The following BICRA variants were observed in gnomAD, a reference collection of about 807,000 sequenced individuals.
BICRA encodes BRD4-interacting chromatin-remodeling complex-associated protein.
Under a neutral mutation model 96.9 loss-of-function variants are expected in BICRA, and 31 were observed. That is an observed-to-expected ratio of 0.32 (90% confidence interval 0.24 to 0.43). The LOEUF (loss-of-function observed/expected upper bound fraction) is 0.43. BICRA is among the 20% of genes least tolerant of loss of function. The probability of loss-of-function intolerance (pLI) is 1.00; values close to 1 mark genes in which losing one functional copy is unlikely to be tolerated. For missense variants in BICRA, 2,283 were observed against 2,190.3 expected (o/e 1.04, Z -0.84); for synonymous variants, 1,350 against 1,071.8 (o/e 1.26, Z -5.07).
Position 47,620,525 on chromosome 19 carries a change from G to A in BICRA, c.-108+11357G>A, listed in dbSNP as rs578123598. Among the ~76,000 whole-genome samples the A allele has an allele frequency of 2.0e-5, 3 of 151,962 alleles. No individual in the cohort carries two copies. The South Asian group carries it at 6.3e-4, about 32-fold the overall frequency. ...CTACAAAAAAATACAAAAAGTAGCC[G>A]AGCATGGTGGTGCATGCTTGTAGTC... is the stretch of plus-strand genomic sequence containing the variant. On this transcript the variant is annotated intron_variant, in intron 1 of 14. Coordinates refer to ENST00000594866, the MANE Select transcript of BICRA (RefSeq NM_001394372.1).
intron 1 of BICRA, among the ~76,000 whole-genome samples, chr19:47,640,862 G>A (rs548049213): frequency 2.0e-4 from 30 of 151,508 alleles, no homozygotes; most frequent in African/African-American, 6.1e-4. Context: ...GTGGAGCTGG[G>A]GTTTGAACTG....
chr19:47,676,267 C>T (rs1054471120), intron 5 of BICRA, among the ~76,000 whole-genome samples: 2 of 151,882 alleles, frequency 1.3e-5, no homozygotes, highest in East Asian at 3.9e-4. Context: ...TCCTGGAGAG[C>T]AGAGGGCTGG....
intron 1 of BICRA, among the ~76,000 whole-genome samples, chr19:47,632,223 G>A (rs145867020): frequency 2.0e-3 from 301 of 152,310 alleles, no homozygotes; most frequent in African/African-American, 6.8e-3. Flanking sequence ...AAAAGGGAGC[G>A]AGCATTTAGA....
At position 47,680,329 on chromosome 19, in the gene BICRA, C is replaced by T; in HGVS notation, c.1159C>T (p.Leu387Phe). ...TLTIQGEPGA[L>F]PQQPKAPQNL... ...CACCATCCAGGGCGAGCCGGGGGCG[C>T]TCCCGCAGCAGCCCAAGGCCCCGCA... Residue 387 changes from leucine (L) to phenylalanine (F), a missense_variant, in exon 6 of 15, where the codon CTC (leucine) becomes TTC (phenylalanine). By Grantham distance (22) the Leu-to-Phe change is conservative. Coordinates refer to ENST00000594866, the MANE Select transcript of BICRA (RefSeq NM_001394372.1). 2 of 1,537,298 alleles carry T rather than the reference C, an allele frequency of 1.3e-6. No homozygotes were observed. The highest frequency in any genetic ancestry group is 1.7e-6 in the Non-Finnish European group (2 of 1,148,510).
chr19:47,694,691 C>A lies in BICRA; in HGVS notation c.2860C>A (p.Pro954Thr). 1 of 1,580,888 alleles carries A rather than the reference C, an allele frequency of 6.3e-7. No homozygotes were observed. The highest frequency in any genetic ancestry group is 8.6e-7 in the Non-Finnish European group (1 of 1,156,802). ...QMVTTPFPALPQPKALLERFH... is the reference protein window; with the variant it reads ...QMVTTPFPALTQPKALLERFH... ...GGTGACCACCCCCTTCCCAGCGCTG[C>A]CCCAGCCGAAGGCTCTTCTCGAGAG... Residue 954 changes from proline (P) to threonine (T), a missense_variant, in exon 8 of 15, where the codon CCC (proline) becomes ACC (threonine). Transcript: ENST00000594866.
chr19:47,694,887 G>C lies in BICRA; in HGVS notation c.2896-13G>C. 6.7e-7 allele frequency: 1 copy of C among 1,501,252 alleles called. No homozygotes were observed. Among genetic ancestry groups the C allele is most frequent in the Non-Finnish European group, 8.9e-7 (1 of 1,129,774 alleles). 93.0% of individuals were successfully genotyped at this position (1,501,252 alleles called of 1,614,324 possible). A position where few individuals can be genotyped will look rare whatever the true frequency, so the allele number is the denominator to read the frequency against. ...TATGTTCCCCACCCCTCATCCACCTGTCCCCTCCTCAGGTGCCGTCCGGAA... is the reference window on the plus strand; with the variant it reads ...TATGTTCCCCACCCCTCATCCACCTCTCCCCTCCTCAGGTGCCGTCCGGAA... On this transcript the variant is annotated splice_polypyrimidine_tract_variant and intron_variant, in intron 8 of 14. Transcript: ENST00000594866.
Position 47,669,907 on chromosome 19 carries a change from C to T in BICRA, c.-107-536C>T, listed in dbSNP as rs959892916. Among the ~76,000 whole-genome samples, 7 of 151,430 alleles carry T rather than the reference C, an allele frequency of 4.6e-5. No homozygotes were observed. The East Asian group carries it at 5.9e-4, about 13-fold the overall frequency. ...TCCTGACCTCGCGATCCACCTGTCT[C>T]GGCCTCCCAAAGTGCTGGGATTACA... is the stretch of plus-strand genomic sequence containing the variant. On this transcript the variant is annotated intron_variant, in intron 1 of 14. Transcript: ENST00000594866.
In BICRA at chr19:47,673,782, G is replaced by C. The variant is rs753697249; in HGVS notation, c.84+20G>C. The C allele has an allele frequency of 5.0e-6, 8 of 1,601,166 alleles. No homozygotes were observed. In the African/African-American group the frequency reaches 8.0e-5, roughly 16 times the overall value. On this transcript the variant is annotated intron_variant, in intron 4 of 14. Transcript: ENST00000594866. ...GAGAAGGTAAGCATGGGCGCAGGGA[G>C]AGGCATTCCCTGAGTGGGGGGCTGT... is the stretch of plus-strand genomic sequence containing the variant.
rs149592447 is a variant in BICRA, at chr19:47,644,299, A to G, written c.-107-26144A>G. On this transcript the variant is annotated intron_variant, in intron 1 of 14. Transcript: ENST00000594866. ...CTCAGGCTCCCACGGTGTTGGGATT[A>G]CAGGTGTGAGCCACTGCACCTGGCC... is the stretch of plus-strand genomic sequence containing the variant. 1.7e-3 allele frequency among the ~76,000 whole-genome samples: 253 copies of G among 152,006 alleles called. 1 individual carries two copies. Among genetic ancestry groups the G allele is most frequent in the Non-Finnish European group, 2.6e-3 (178 of 67,954 alleles).
chr19:47,692,338 A>G (rs1434727660), intron 7 of BICRA, among the ~76,000 whole-genome samples: 2 of 151,978 alleles, frequency 1.3e-5, no homozygotes, highest in African/African-American at 4.8e-5. Context: ...GCAATTCTCC[A>G]GCCTCAGTCT....
chr19:47,673,357 TGGAGTG>T (rs1292974068), intron 2 of BICRA, among the ~76,000 whole-genome samples: 1 of 152,054 alleles, frequency 6.6e-6, no homozygotes, highest in Non-Finnish European at 1.5e-5. Context: ...CTGGGAGAGT[TGGAGTG>T]GGAGGAAAAG....
Position 47,620,251 on chromosome 19 carries a change from G to A in BICRA, c.-108+11083G>A, listed in dbSNP as rs115049545. ...GTTTCCTGTGTTCTCAGCTCCTGGT[G>A]TGCAGTAGGTGCTCTGTAGATGCTT... On this transcript the variant is annotated intron_variant, in intron 1 of 14. Coordinates refer to ENST00000594866, the MANE Select transcript of BICRA (RefSeq NM_001394372.1). Among the ~76,000 whole-genome samples, 1,048 of 152,302 alleles carry A rather than the reference G, an allele frequency of 6.9e-3. 16 individuals carry two copies. Among genetic ancestry groups the A allele is most frequent in the African/African-American group, 0.024 (997 of 41,562 alleles).
At chr19:47,628,001 C>T (rs1972165898) in intron 1 of BICRA, among the ~76,000 whole-genome samples, 1 of 152,130 alleles carries the variant, frequency 6.6e-6, no homozygotes, top group South Asian at 2.1e-4. Context: ...AACCCCTGAC[C>T]TCGTGATCCA....
At chr19:47,642,575 G>A (rs923463471) in intron 1 of BICRA, among the ~76,000 whole-genome samples, 25 of 151,948 alleles carry the variant, frequency 1.6e-4, no homozygotes, top group African/African-American at 4.8e-4. Context: ...GGTGGCACGC[G>A]CCTGTAGTCC....
Position 47,682,171 on chromosome 19 carries a change from C to A in BICRA, c.2283+19C>A. ...CCCCCAGGTAGAGGGACCCCAGCAG[C>A]CTGTGTCCGCAGCACAGACCCAGCC... On this transcript the variant is annotated intron_variant, in intron 7 of 14. Coordinates refer to ENST00000594866, the MANE Select transcript of BICRA (RefSeq NM_001394372.1). 1 of 1,255,488 alleles carries A rather than the reference C, an allele frequency of 8.0e-7. No individual in the cohort carries two copies. The highest frequency in any genetic ancestry group is 1.1e-6 in the Non-Finnish European group (1 of 902,748). 77.8% of individuals were successfully genotyped at this position (1,255,488 alleles called of 1,614,324 possible).
intron 1 of BICRA, among the ~76,000 whole-genome samples, chr19:47,631,488 A>G (rs1193981939): frequency 1.3e-5 from 2 of 152,058 alleles, no homozygotes; most frequent in Non-Finnish European, 2.9e-5. Flanking sequence ...TCAGCCTCCC[A>G]AAGATCTGGG....
Position 47,694,470 on chromosome 19 carries a change from CTCCAT to C in BICRA, c.2640_2644del (p.Pro881LeufsTer11). The C allele has an allele frequency of 3.0e-6, 4 of 1,337,858 alleles. No individual in the cohort carries two copies. The highest frequency in any genetic ancestry group is 4.3e-6 in the Non-Finnish European group (4 of 936,224). The allele number at this position is 1,337,858 out of a possible 1,614,324, so 82.9% of individuals were successfully genotyped here. A position where few individuals can be genotyped will look rare whatever the true frequency, so the allele number is the denominator to read the frequency against. On this transcript the variant is annotated frameshift_variant, in exon 8 of 15. Coordinates refer to ENST00000594866, the MANE Select transcript of BICRA (RefSeq NM_001394372.1). LOFTEE classifies it high-confidence loss of function. ...CCGCTGCCCCCAGCCCCCCACCTCCCTCCATCCTCCACCTCCTCTGCTGTGGCCTC... is the reference window on the plus strand; with the variant it reads ...CCGCTGCCCCCAGCCCCCCACCTCCCCCTCCACCTCCTCTGCTGTGGCCTC...
intron 1 of BICRA, among the ~76,000 whole-genome samples, chr19:47,645,341 C>T (rs960166097): frequency 2.0e-5 from 3 of 152,162 alleles, no homozygotes; most frequent in East Asian, 1.9e-4. Flanking sequence ...ATCCAGGCTA[C>T]GCATCGCTGG....
At chr19:47,628,381 A>G (rs755180185) in intron 1 of BICRA, among the ~76,000 whole-genome samples, 6 of 152,130 alleles carry the variant, frequency 3.9e-5, no homozygotes, top group Non-Finnish European at 7.3e-5. Flanking sequence ...TCTGAGTAGT[A>G]AGGTGTCCAG....
Sources: allele counts gnomAD v4.1 joint callset (sites outside exome capture counted in the v4.1 genomes callset), GRCh38; gene constraint gnomAD v4.1.1; transcripts MANE v1.5; gene names NCBI Gene and HGNC (gene_info 2026-07-23, HGNC 2026-07-21).